FLNB: variants seen among roughly 807,000 people sequenced by gnomAD.
FLNB encodes the protein filamin-B.
A neutral mutation model predicts 250.6 loss-of-function variants in FLNB; 111 were observed. That is an observed-to-expected ratio of 0.44 (90% CI 0.38 to 0.52). The LOEUF is 0.52. Among genes scored for constraint, FLNB ranks in the 20% least tolerant of loss-of-function variants. FLNB has a pLI of 0.00. For synonymous variants in FLNB, 1,302 were observed against 1,372.1 expected (o/e 0.95, Z 1.13); for missense variants, 2,869 against 3,447.8 (o/e 0.83, Z 4.20).
chr3:58,146,501 C>G (rs771789580), intron 33 of FLNB, among the ~76,000 whole-genome samples: 1 of 152,190 alleles, frequency 6.6e-6, no homozygotes, highest in Non-Finnish European at 1.5e-5. Flanking sequence ...CACCTCTGCC[C>G]TCCACCACCC....
Position 58,154,838 on chromosome 3 carries a change from A to G in FLNB, c.6682A>G (p.Ile2228Val). 6.2e-7 allele frequency: 1 copy of G among 1,614,088 alleles called. No homozygotes were observed. The highest frequency in any genetic ancestry group is 8.5e-7 in the Non-Finnish European group (1 of 1,179,952). Reference sequence around the variant, plus strand: ...GGAAGCAGGCGCTGGAGGCCTCTCCATCGCTGTTGAGGGCCCCAGTAAGGC... The same window carrying G: ...GGAAGCAGGCGCTGGAGGCCTCTCCGTCGCTGTTGAGGGCCCCAGTAAGGC... ...TREAGAGGLS[I>V]AVEGPSKAEI... The change falls in exon 40 of 46, where the codon ATC (isoleucine) becomes GTC (valine). Residue 2228 changes from isoleucine (I) to valine (V), a missense_variant. Physicochemically the swap from Ile to Val is conservative, Grantham distance 29 (BLOSUM62 3). Transcript: ENST00000295956.
At chr3:58,137,599 G>C (rs1223582287) in intron 28 of FLNB, among the ~76,000 whole-genome samples, 1 of 152,178 alleles carries the variant, frequency 6.6e-6, no homozygotes, top group Non-Finnish European at 1.5e-5. Context: ...TGTGCTTTTA[G>C]TTCATGCTTT....
chr3:58,094,873 C>T lies in FLNB; in HGVS notation c.825C>T (p.Ala275=), dbSNP rs749545528. ...EPTGNMVKQP[A]KFTVDTISAG... is the part of the protein sequence containing the mutation. ...CTGGAAACATGGTGAAGCAGCCAGC[C>T]AAGTTCACTGTGGACACCATCAGCG... Residue 275 remains alanine, a synonymous_variant, in exon 5 of 46, where the codon GCC becomes GCT. Transcript: ENST00000295956. 2.5e-6 allele frequency: 4 copies of T among 1,614,050 alleles called. No individual in the cohort carries two copies. In the Admixed American group the frequency reaches 5.0e-5, roughly 20 times the overall value.
chr3:58,085,349 T>C (rs1382992374), intron 4 of FLNB, among the ~76,000 whole-genome samples: 2 of 152,262 alleles, frequency 1.3e-5, no homozygotes, highest in Admixed American at 1.3e-4. Context: ...GATATGTCCC[T>C]GTCATGTGGT....
At chr3:58,085,093 G>A (rs915537016) in intron 4 of FLNB, among the ~76,000 whole-genome samples, 15 of 152,188 alleles carry the variant, frequency 9.9e-5, no homozygotes, top group African/African-American at 1.4e-4. Context: ...AGACATTTGG[G>A]TTGTTACATT....
Position 58,142,070 on chromosome 3 carries a change from C to T in FLNB, c.5181+141C>T, listed in dbSNP as rs748557403. 1.7e-5 allele frequency: 13 copies of T among 747,668 alleles called. No individual in the cohort carries two copies. Among genetic ancestry groups the T allele is most frequent in the African/African-American group, 8.6e-5 (5 of 57,912 alleles). The allele number at this position is 747,668 out of a possible 1,614,324, so 46.3% of individuals were successfully genotyped here. A position where few individuals can be genotyped will look rare whatever the true frequency, so the allele number is the denominator to read the frequency against. On this transcript the variant is annotated intron_variant, in intron 30 of 45. Transcript: ENST00000295956. The surrounding 1 kb of genome is among the most constrained non-coding windows in gnomAD (Gnocchi z 4.3). ...GTGCCCCTCACTGATCAGCCCATCA[C>T]GATGATCCCTGCTTTTTCTGTAATA...
rs2362903 is a variant in FLNB at position 58,126,713 on chromosome 3, A to G, written c.4173A>G (p.Ala1391=). Reference sequence around the variant, plus strand: ...GCAGTGCTGAGTACATTCCTTTCGCACCGGGGGATTACGATGTTAATATCA... The same window carrying G: ...GCAGTGCTGAGTACATTCCTTTCGCGCCGGGGGATTACGATGTTAATATCA... The part of the protein sequence containing the change: ...GSCSAEYIPF[A]PGDYDVNITY... The change falls in exon 24 of 46, where the codon GCA becomes GCG. Residue 1391 remains alanine, a synonymous_variant. Coordinates refer to ENST00000295956, the MANE Select transcript of FLNB (RefSeq NM_001457.4). 0.67 allele frequency: 1,077,449 copies of G among 1,612,038 alleles called. 366,694 individuals are homozygous for G. The highest frequency in any genetic ancestry group is 1 in the East Asian group (44,814 of 44,868).
At position 58,100,373 on chromosome 3, in the gene FLNB, A is replaced by AAATATATATATATATATAT; in HGVS notation, c.1345+1466_1345+1467insATATATATATATATATATA. 1.1e-3 allele frequency among the ~76,000 whole-genome samples: 118 copies of AAATATATATATATATATAT among 104,322 alleles called. 2 individuals are homozygous for AAATATATATATATATATAT. The highest frequency in any genetic ancestry group is 4.6e-3 in the African/African-American group (100 of 21,888). 68.4% of individuals were successfully genotyped at this position (104,322 alleles called of 152,430 possible). A position where few individuals can be genotyped will look rare whatever the true frequency, so the allele number is the denominator to read the frequency against. On this transcript the variant is annotated intron_variant, in intron 8 of 45. Coordinates refer to ENST00000295956, the MANE Select transcript of FLNB (RefSeq NM_001457.4). ...AATGATTTTACATATGTAAAAAAAA[A>AAATATATATATATATATAT]ATATATATATATTTGCAGGGGCGCG...
chr3:58,059,126 T>G (rs2097174510), intron 1 of FLNB, among the ~76,000 whole-genome samples: 1 of 152,176 alleles, frequency 6.6e-6, no homozygotes, highest in Non-Finnish European at 1.5e-5. Context: ...TGCCCCCAGT[T>G]GTTTGGCCAC....
chr3:58,021,177 G>A lies in FLNB; in HGVS notation c.292+12321G>A, dbSNP rs146757324. On this transcript the variant is annotated intron_variant, in intron 1 of 45. Transcript: ENST00000295956. The stretch of plus-strand genomic sequence containing the variant: ...CAGCCTATTGTGGGAGCAGGGGCCC[G>A]GCCTGGTGCTTCTTGCCCAGGAACA... 2.5e-4 allele frequency among the ~76,000 whole-genome samples: 38 copies of A among 152,280 alleles called. 1 individual carries two copies. Among genetic ancestry groups the A allele is most frequent in the African/African-American group, 8.7e-4 (36 of 41,562 alleles).
intron 4 of FLNB, among the ~76,000 whole-genome samples, chr3:58,082,924 CAT>C (rs1391349681): frequency 6.6e-6 from 1 of 152,102 alleles, no homozygotes; most frequent in African/African-American, 2.4e-5. Flanking sequence ...CATATGTGTT[CAT>C]GTGTATGATT....
Position 58,169,643 on chromosome 3 carries a change from G to C in FLNB, c.7471G>C (p.Glu2491Gln). 1.2e-6 allele frequency: 2 copies of C among 1,614,128 alleles called. No homozygotes were observed. Among genetic ancestry groups the C allele is most frequent in the South Asian group, 2.2e-5 (2 of 91,088 alleles). Residue 2491 changes from glutamate (E) to glutamine (Q), a missense_variant, in exon 45 of 46, where the codon GAG becomes CAG. By Grantham distance (29) the Glu-to-Gln change is conservative (BLOSUM62 2). Around this residue, in one of 5 missense-constraint regions of FLNB, gnomAD observed 1,084 missense variants for 1,315.5 expected, o/e 0.82. Transcript: ENST00000295956. This position sits in a 1 kb window ranked among gnomAD's most constrained non-coding sequence, Gnocchi z 4.8. ...SANETSSILVESVTRSSTETC... is the reference protein window; with the variant it reads ...SANETSSILVQSVTRSSTETC... ...CAACGAGACCTCATCCATCCTGGTGGAGTCAGTGACCAGGTCGTCTACAGA... is the reference window on the plus strand; with the variant it reads ...CAACGAGACCTCATCCATCCTGGTGCAGTCAGTGACCAGGTCGTCTACAGA...
chr3:58,170,181 T>G (rs1200319381), intron 45 of FLNB, among the ~76,000 whole-genome samples: 1 of 152,210 alleles, frequency 6.6e-6, no homozygotes, highest in Non-Finnish European at 1.5e-5. Flanking sequence ...AGTACCTTCC[T>G]TAAGGTGCTT....
At chr3:58,054,424 T>C (rs990492160) in intron 1 of FLNB, among the ~76,000 whole-genome samples, 1 of 152,184 alleles carries the variant, frequency 6.6e-6, no homozygotes, top group East Asian at 1.9e-4. Context: ...TTCTCAACAC[T>C]GCTGTGAAGA....
intron 1 of FLNB, among the ~76,000 whole-genome samples, chr3:58,074,178 A>G (rs2106936062): frequency 6.6e-6 from 1 of 152,362 alleles, no homozygotes; most frequent in South Asian, 2.1e-4. Flanking sequence ...GACCAAGAAC[A>G]TCAGCATTAC....
chr3:58,125,731 C>G lies in FLNB; in HGVS notation c.4049C>G (p.Thr1350Ser). ...EAFTNKPNVF[T>S]VVTRGAGIGG... ...TTTACCAACAAGCCCAATGTCTTCA[C>G]CGTGGTTACCAGGTAGGCAAGGCCC... The change falls in exon 23 of 46, where the codon ACC (threonine) becomes AGC (serine). Residue 1350 changes from threonine to serine, a missense_variant. Thr to Ser is a moderately conservative substitution (Grantham distance 58). Transcript: ENST00000295956. The G allele has an allele frequency of 6.2e-7, 1 of 1,614,154 alleles. No homozygotes were observed. The highest frequency in any genetic ancestry group is 1.1e-5 in the South Asian group (1 of 91,076).
chr3:58,166,854 G>A (rs140281001), intron 43 of FLNB, among the ~76,000 whole-genome samples: 6 of 149,762 alleles, frequency 4.0e-5, no homozygotes, highest in African/African-American at 7.4e-5. Context: ...GGCCGGGTGC[G>A]TTGGCTCATG....
chr3:58,130,705 C>G (rs1352453812), intron 24 of FLNB, 36 bp from the exon 25 acceptor site: 1 of 1,603,052 alleles, frequency 6.2e-7, no homozygotes, highest in Non-Finnish European at 8.5e-7. Flanking sequence ...CTCCAATTCC[C>G]AGCTTGTGCT....
At chr3:58,110,664 T>G (rs1219684501) in intron 16 of FLNB, among the ~76,000 whole-genome samples, 3 of 152,176 alleles carry the variant, frequency 2.0e-5, no homozygotes, top group Non-Finnish European at 4.4e-5. Context: ...CAGGCTGGTC[T>G]CAAACTTCTG....
Sources: gnomAD v4.1 joint callset for allele counts (sites outside exome capture counted in the v4.1 genomes callset) on GRCh38, gnomAD v4.1.1 for gene constraint, gnomAD v4.1.1 regional missense constraint, Gnocchi (gnomAD v3.1) non-coding constraint, MANE v1.5 for transcripts, NCBI Gene and HGNC (gene_info 2026-07-23, HGNC 2026-07-21) for gene names.